SSH1: variants seen among roughly 807,000 people sequenced by gnomAD.
SSH1 encodes the protein protein phosphatase Slingshot homolog 1.
A neutral mutation model predicts 79.7 loss-of-function variants in SSH1; 43 were observed. The observed-to-expected ratio is 0.54, with a 90% CI of 0.42 to 0.70. The LOEUF is 0.70. SSH1 is among the 30% of genes least tolerant of loss of function. The pLI, the probability that SSH1 is intolerant of heterozygous loss-of-function variation, is 0.00. For synonymous variants in SSH1, 599 were observed against 538.3 expected, an observed-to-expected ratio of 1.11 and a Z score of -1.56; for missense variants, 1,206 against 1,358.8, an observed-to-expected ratio of 0.89 and a Z score of 1.77.
intron 12 of SSH1, 119 bp downstream of exon 12, chr12:108,800,661 G>A: frequency 2.5e-6 from 3 of 1,217,700 alleles, no homozygotes; most frequent in East Asian, 2.3e-5. Flanking sequence ...TGCGTCTGGA[G>A]TCCCGTTAGG....
intron 7 of SSH1, among the ~76,000 whole-genome samples, chr12:108,809,084 G>A (rs971769068): frequency 2.3e-4 from 35 of 149,480 alleles, no homozygotes; most frequent in South Asian, 1.6e-3. Context: ...TCCACCCACC[G>A]TGGCCTCCCA....
chr12:108,789,071 G>T lies in SSH1; in HGVS notation c.2067C>A (p.Ser689=). Residue 689 remains serine, a synonymous_variant, in exon 15 of 15, where the codon TCC becomes TCA. Coordinates refer to ENST00000326495, the MANE Select transcript of SSH1 (RefSeq NM_018984.4). ...ACCTGCTGGCCAAGTGGGCCACAGGGGAGGACGTGATGTGGGGTAGGAAGG... is the reference window on the plus strand; with the variant it reads ...ACCTGCTGGCCAAGTGGGCCACAGGTGAGGACGTGATGTGGGGTAGGAAGG... ...QPAFLPHITS[S]PVAHLASRSR... The T allele has an allele frequency of 6.2e-7, 1 of 1,612,906 alleles. No individual in the cohort carries two copies. The highest frequency in any genetic ancestry group is 8.5e-7 in the Non-Finnish European group (1 of 1,179,102).
At chr12:108,842,765 C>A (rs2038809951) in intron 2 of SSH1, among the ~76,000 whole-genome samples, 1 of 152,142 alleles carries the variant, frequency 6.6e-6, no homozygotes, top group Admixed American at 6.5e-5. Context: ...GGGTGAAGAG[C>A]ACAGGTTTTG....
intron 13 of SSH1, among the ~76,000 whole-genome samples, chr12:108,794,921 C>T (rs998710147): frequency 6.6e-6 from 1 of 152,170 alleles, no homozygotes; most frequent in Non-Finnish European, 1.5e-5. Context: ...ACCCATCTGA[C>T]ACAAATGCAT....
At chr12:108,789,662 A>C (rs2036420124) in intron 14 of SSH1, among the ~76,000 whole-genome samples, 1 of 152,074 alleles carries the variant, frequency 6.6e-6, no homozygotes, top group Non-Finnish European at 1.5e-5. Context: ...GTCTCCGCGG[A>C]GGGAAGGCTT....
chr12:108,800,659 G>A lies in SSH1; in HGVS notation c.1148+121C>T, dbSNP rs905454759. The A allele has an allele frequency of 5.0e-6, 6 of 1,194,944 alleles. No individual in the cohort carries two copies. In the South Asian group the frequency reaches 5.0e-5, roughly 10 times the overall value. 74.0% of individuals were successfully genotyped at this position (1,194,944 alleles called of 1,614,324 possible). On this transcript the variant is annotated intron_variant, in intron 12 of 14. Coordinates refer to ENST00000326495, the MANE Select transcript of SSH1 (RefSeq NM_018984.4). The stretch of plus-strand genomic sequence containing the variant: ...TCCCACCAGCCAACTCCTGCGTCTG[G>A]AGTCCCGTTAGGATCCCCCCTCCCA...
chr12:108,840,547 A>C (rs2038752569), intron 2 of SSH1, among the ~76,000 whole-genome samples: 1 of 151,974 alleles, frequency 6.6e-6, no homozygotes, highest in Non-Finnish European at 1.5e-5. Flanking sequence ...AAGAAAAAAA[A>C]AAAGAAAATG....
chr12:108,790,827 G>A (rs1028511496), intron 14 of SSH1, among the ~76,000 whole-genome samples: 1 of 152,228 alleles, frequency 6.6e-6, no homozygotes, highest in Non-Finnish European at 1.5e-5. Flanking sequence ...ATGGGCAGGT[G>A]AAGCCAGAGG....
At chr12:108,801,735 T>TAAAAAA (rs1565980475) in intron 11 of SSH1, among the ~76,000 whole-genome samples, 2 of 137,186 alleles carry the variant, frequency 1.5e-5, no homozygotes, top group Admixed American at 7.3e-5. Context: ...CTGTGTTGTT[T>TAAAAAA]TAAAAAAAAA....
chr12:108,822,369 A>G (rs1181935448), intron 3 of SSH1, among the ~76,000 whole-genome samples: 1 of 152,150 alleles, frequency 6.6e-6, no homozygotes, highest in Non-Finnish European at 1.5e-5. Flanking sequence ...CCTGGGTTCA[A>G]GCGAGATCTG....
At chr12:108,844,649 C>A (rs1031613352) in intron 2 of SSH1, among the ~76,000 whole-genome samples, 1 of 152,178 alleles carries the variant, frequency 6.6e-6, no homozygotes, top group Non-Finnish European at 1.5e-5. Flanking sequence ...GTGGGAGGGA[C>A]CAGAGAACAA....
rs1245039646 is a variant in SSH1, at chr12:108,779,332, G to A, written c.*8656C>T. On this transcript the variant is annotated 3_prime_UTR_variant, in exon 15 of 15. Coordinates refer to ENST00000326495, the MANE Select transcript of SSH1 (RefSeq NM_018984.4). ...CCTTGTGTCACCCCAATAGCCTTTG[G>A]AGCAAGAAGTGGGTCCAATTTCCCA... 1 of 152,204 alleles carries A rather than the reference G, an allele frequency of 6.6e-6. No individual in the cohort carries two copies. The highest frequency in any genetic ancestry group is 1.5e-5 in the Non-Finnish European group (1 of 68,048). The allele number at this position is 152,204 out of a possible 1,614,324, so 9.4% of individuals were successfully genotyped here. A position where few individuals can be genotyped will look rare whatever the true frequency, so the allele number is the denominator to read the frequency against.
intron 2 of SSH1, among the ~76,000 whole-genome samples, chr12:108,842,634 C>T (rs1192645600): frequency 2.0e-5 from 3 of 152,152 alleles, no homozygotes; most frequent in African/African-American, 7.2e-5. Flanking sequence ...CATAGTGATG[C>T]CGCTAATGGC....
At chr12:108,799,313 A>G (rs1593026252) in intron 12 of SSH1, 113 bp from the exon 13 acceptor site, 3 of 889,594 alleles carry the variant, frequency 3.4e-6, no homozygotes, top group Non-Finnish European at 5.1e-6. Flanking sequence ...ATTTTTTTAA[A>G]CCCTGTAGAT....
chr12:108,831,827 T>C (rs2038481092), intron 2 of SSH1, among the ~76,000 whole-genome samples: 1 of 152,202 alleles, frequency 6.6e-6, no homozygotes, highest in Non-Finnish European at 1.5e-5. Flanking sequence ...CTTATAAGTT[T>C]GGTTAGCGTA....
At chr12:108,814,526 G>C (rs1241340000) in intron 5 of SSH1, among the ~76,000 whole-genome samples, 1 of 151,958 alleles carries the variant, frequency 6.6e-6, no homozygotes, top group African/African-American at 2.4e-5. Flanking sequence ...TGCAGGAGAA[G>C]GCCCAGTTCC....
At chr12:108,792,901 G>T in intron 13 of SSH1, 72 bp from the exon 14 acceptor site, 2 of 1,589,902 alleles carry the variant, frequency 1.3e-6, no homozygotes, top group Middle Eastern at 2.2e-4. Context: ...AGAGTATGCG[G>T]TGAGCCAGTG....
intron 3 of SSH1, among the ~76,000 whole-genome samples, chr12:108,819,783 A>G (rs1395561272): frequency 6.6e-6 from 1 of 152,182 alleles, no homozygotes; most frequent in African/African-American, 2.4e-5. Context: ...GGGCAACACG[A>G]TAAGACCCTG....
At chr12:108,799,345 T>G (rs1413409422) in intron 12 of SSH1, 145 bp from the exon 13 acceptor site, 1 of 678,376 alleles carries the variant, frequency 1.5e-6, no homozygotes, top group Non-Finnish European at 2.5e-6. Context: ...GAAATCCTCC[T>G]ACGTCTTAAT....
Sources: allele counts gnomAD v4.1 joint callset (sites outside exome capture counted in the v4.1 genomes callset), GRCh38; gene constraint gnomAD v4.1.1; transcripts MANE v1.5; gene names NCBI Gene and HGNC (gene_info 2026-07-23, HGNC 2026-07-21).